The following INF2 variants were observed in gnomAD, a reference collection of about 807,000 sequenced individuals.
INF2 encodes inverted formin 2.
INF2 carries 43 observed loss-of-function variants against 123.5 expected under a neutral mutation model. The ratio of observed to expected loss-of-function variants is 0.35; its 90% CI spans 0.27 to 0.45. The LOEUF is 0.45. Among genes scored for constraint, INF2 ranks in the 20% least tolerant of loss-of-function variants. INF2 has a pLI of 1.00. For synonymous variants in INF2, 851 were observed against 745.0 expected (o/e 1.14, Z -2.32); for missense variants, 1,453 against 1,682.7 (o/e 0.86, Z 2.39).
chr14:104,683,177 C>T (rs1320636186), intron 1 of INF2, among the ~76,000 whole-genome samples: 3 of 122,916 alleles, frequency 2.4e-5, no homozygotes, highest in Admixed American at 8.6e-5. Flanking sequence ...CTGCGGGTGG[C>T]TGCAATGGGG....
intron 1 of INF2, among the ~76,000 whole-genome samples, chr14:104,696,126 G>A (rs1234829357): frequency 6.6e-6 from 1 of 152,184 alleles, no homozygotes; most frequent in Admixed American, 6.5e-5. Context: ...TGATCATGAT[G>A]CTGCTGAGAG....
At position 104,713,625 on chromosome 14, in the gene INF2, G is replaced by A. The variant is rs1269228082; in HGVS notation, c.3040+19G>A. On this transcript the variant is annotated intron_variant, in intron 20 of 22. Coordinates refer to ENST00000392634, the MANE Select transcript of INF2 (RefSeq NM_022489.4). The stretch of plus-strand genomic sequence containing the variant: ...GAGCCTGGTAAGACCCTCTCCCACT[G>A]CCTCCTCATGGTCCCCTTGCCACTG... 4.3e-6 allele frequency: 7 copies of A among 1,609,828 alleles called. No homozygotes were observed. Among genetic ancestry groups the A allele is most frequent in the Non-Finnish European group, 5.9e-6 (7 of 1,178,208 alleles).
chr14:104,710,128 G>A lies in INF2; in HGVS notation c.2179G>A (p.Ala727Thr), dbSNP rs762960061. 1.9e-5 allele frequency: 30 copies of A among 1,552,960 alleles called. No individual in the cohort carries two copies. The African/African-American group carries it at 2.2e-4, about 11-fold the overall frequency. The change falls in exon 13 of 23, where the codon GCG (alanine) becomes ACG (threonine). Residue 727 changes from alanine (A) to threonine (T), a missense_variant. Ala to Thr is a moderately conservative substitution (Grantham distance 58). Transcript: ENST00000392634. ...CGAGTGCATGCTGCTGTGTGAGGGC[G>A]CGGCCGCCGTGCTGGACATGGTGCG... Reference protein sequence around the residue: ...RIECMLLCEGAAAVLDMVRPK... With the variant: ...RIECMLLCEGTAAVLDMVRPK...
chr14:104,691,744 G>A (rs941867047), intron 1 of INF2, among the ~76,000 whole-genome samples: 12 of 152,078 alleles, frequency 7.9e-5, no homozygotes, highest in African/African-American at 1.2e-4. Flanking sequence ...CGGGCTCCCC[G>A]TCGCTGGAGG....
chr14:104,689,511 C>A, upstream of INF2: 1 of 384,402 alleles, frequency 2.6e-6, no homozygotes, highest in Non-Finnish European at 3.5e-6. Flanking sequence ...AGCCACCCAC[C>A]TCCCCCCCCA....
chr14:104,697,685 G>T (rs1889254970), intron 1 of INF2, among the ~76,000 whole-genome samples: 1 of 152,238 alleles, frequency 6.6e-6, no homozygotes, highest in African/African-American at 2.4e-5. Flanking sequence ...GCCCAGAGGG[G>T]GACCCTGCCT....
chr14:104,707,620 T>A lies in INF2; in HGVS notation c.1353T>A (p.Ala451=). The part of the protein sequence containing the change: ...PPPPPLPSVG[A]KALPTAPPPP... Reference sequence around the variant, plus strand: ...CACCCCCCCTGCCCAGTGTGGGGGCTAAGGCCCTCCCAACAGCACCCCCGC... The same window carrying A: ...CACCCCCCCTGCCCAGTGTGGGGGCAAAGGCCCTCCCAACAGCACCCCCGC... The change falls in exon 8 of 23, where the codon GCT becomes GCA. Residue 451 remains alanine, a synonymous_variant. Coordinates refer to ENST00000392634, the MANE Select transcript of INF2 (RefSeq NM_022489.4). 5.6e-6 allele frequency: 4 copies of A among 720,074 alleles called. No homozygotes were observed. Among genetic ancestry groups the A allele is most frequent in the Non-Finnish European group, 6.1e-6 (3 of 489,780 alleles). 44.6% of individuals were successfully genotyped at this position (720,074 alleles called of 1,614,324 possible). A position where few individuals can be genotyped will look rare whatever the true frequency, so the allele number is the denominator to read the frequency against.
chr14:104,715,071 G>T (rs959249931), intron 21 of INF2, among the ~76,000 whole-genome samples: 1 of 152,174 alleles, frequency 6.6e-6, no homozygotes, highest in Non-Finnish European at 1.5e-5. Context: ...TACTAATTCC[G>T]ACCTTCACGC....
chr14:104,689,861 G>A lies in INF2; in HGVS notation c.-10+122G>A, dbSNP rs1021093609. 1.4e-5 allele frequency: 8 copies of A among 557,438 alleles called. No individual in the cohort carries two copies. The Admixed American group carries it at 3.2e-4, about 22-fold the overall frequency. The allele number at this position is 557,438 out of a possible 1,614,324, so 34.5% of individuals were successfully genotyped here. On this transcript the variant is annotated intron_variant, in intron 1 of 22. Transcript: ENST00000392634. ...CTGCGGCGTGTGTGCCCAGGTGGCGGCGGGCGGTCCGGCGGCGCAGGGTAC... is the reference window on the plus strand; with the variant it reads ...CTGCGGCGTGTGTGCCCAGGTGGCGACGGGCGGTCCGGCGGCGCAGGGTAC...
chr14:104,708,615 G>A, intron 9 of INF2, 28 bp downstream of exon 9: 6 of 1,612,688 alleles, frequency 3.7e-6, no homozygotes, highest in Non-Finnish European at 5.1e-6. Context: ...ACTCAGACCG[G>A]GGCCGCCTGC....
rs374267903 is a variant in INF2, at chr14:104,692,233, G to A, written c.-10+2494G>A. Among the ~76,000 whole-genome samples the A allele has an allele frequency of 3.9e-5, 6 of 152,232 alleles. No homozygotes were observed. In the East Asian group the frequency reaches 5.8e-4, roughly 15 times the overall value. On this transcript the variant is annotated intron_variant, in intron 1 of 22. Transcript: ENST00000392634. Reference sequence around the variant, plus strand: ...CTCCCACCCTCATCCCTCCCAGTGCGACGTGGGTCCTGCAGGAGCGTTCAT... The same window carrying A: ...CTCCCACCCTCATCCCTCCCAGTGCAACGTGGGTCCTGCAGGAGCGTTCAT...
At position 104,707,947 on chromosome 14, in the gene INF2, C is replaced by T. The variant is rs758259327; in HGVS notation, c.1680C>T (p.Pro560=). Residue 560 remains proline (P), a synonymous_variant, in exon 8 of 23, where the codon CCC becomes CCT. Transcript: ENST00000392634. ...WVPSHRRVNP[P]TLRMKKLNWQ... ...CCAGCCATCGGCGGGTGAACCCACC[C>T]ACACTGCGCATGAAGAAGCTGAACT... 4 of 1,598,892 alleles carry T rather than the reference C, an allele frequency of 2.5e-6. No homozygotes were observed. The highest frequency in any genetic ancestry group is 3.4e-6 in the Non-Finnish European group (4 of 1,179,712).
rs1222538815 is a variant in INF2, at chr14:104,708,673, C to T, written c.1890C>T (p.Ile630=). The change falls in exon 10 of 23, where the codon ATC becomes ATT. Residue 630 remains isoleucine, a splice_region_variant and synonymous_variant. Coordinates refer to ENST00000392634, the MANE Select transcript of INF2 (RefSeq NM_022489.4). ...APRARKEPKE[I]TFLDAKKSLN... is the part of the protein sequence containing the mutation. ...CTGTTGGGTGGGGGGTTTTCTAGATCACTTTCCTCGATGCCAAGAAGAGCC... is the reference window on the plus strand; with the variant it reads ...CTGTTGGGTGGGGGGTTTTCTAGATTACTTTCCTCGATGCCAAGAAGAGCC... The T allele has an allele frequency of 6.2e-7, 1 of 1,612,992 alleles. No homozygotes were observed. Among genetic ancestry groups the T allele is most frequent in the Non-Finnish European group, 8.5e-7 (1 of 1,179,856 alleles).
Position 104,701,509 on chromosome 14 carries a change from C to T in INF2, c.144C>T (p.Val48=), listed in dbSNP as rs528508846. 79 of 1,606,164 alleles carry T rather than the reference C, an allele frequency of 4.9e-5. No individual in the cohort carries two copies. In the South Asian group the frequency reaches 8.2e-4, roughly 17 times the overall value. The change falls in exon 2 of 23, where the codon GTC becomes GTT. Residue 48 remains valine, a synonymous_variant. Transcript: ENST00000392634. ...CIRLLQMPSV[V]NYSGLRKRLE... is the part of the protein sequence containing the mutation. Reference sequence around the variant, plus strand: ...GGCTGCTCCAGATGCCCTCTGTGGTCAACTACTCCGGCCTGCGCAAGCGCC... The same window carrying T: ...GGCTGCTCCAGATGCCCTCTGTGGTTAACTACTCCGGCCTGCGCAAGCGCC...
intron 20 of INF2, 32 bp from the exon 21 acceptor site, chr14:104,714,170 GC>G: frequency 2.1e-6 from 3 of 1,463,184 alleles, no homozygotes; most frequent in Non-Finnish European, 2.7e-6. Flanking sequence ...GGGGCAGGGT[GC>G]CTGCCCTTCA....
At chr14:104,702,657 C>T (rs1889584311) in intron 2 of INF2, among the ~76,000 whole-genome samples, 1 of 152,214 alleles carries the variant, frequency 6.6e-6, no homozygotes, top group South Asian at 2.1e-4. Context: ...ATTCTCAGCC[C>T]GTCTCCCCAG....
In INF2 at chr14:104,707,275, A is replaced by G. The variant is rs1889823850; in HGVS notation, c.1008A>G (p.Glu336=). The change falls in exon 8 of 23, where the codon GAA becomes GAG. Residue 336 remains glutamate, a synonymous_variant. Transcript: ENST00000392634. ...ASDAQECTLE[E]VVERLLSVKG... ...CAGCCCAGGAATGCACCCTGGAGGA[A>G]GTGGTTGAGCGGCTCCTGTCTGTCA... 1.2e-6 allele frequency: 2 copies of G among 1,609,858 alleles called. No individual in the cohort carries two copies.
Position 104,707,734 on chromosome 14 carries a change from A to C in INF2, c.1467A>C (p.Pro489=), listed in dbSNP as rs1383992230. 81 of 834,490 alleles carry C rather than the reference A, an allele frequency of 9.7e-5. No individual in the cohort carries two copies. The highest frequency in any genetic ancestry group is 2.3e-4 in the African/African-American group (7 of 29,848). 51.7% of individuals were successfully genotyped at this position (834,490 alleles called of 1,614,324 possible). A position where few individuals can be genotyped will look rare whatever the true frequency, so the allele number is the denominator to read the frequency against. The change falls in exon 8 of 23, where the codon CCA becomes CCC. Residue 489 remains proline (P), a synonymous_variant. Transcript: ENST00000392634. ...PLPGSCEFLP[P]PPPPLPGLGC... is the part of the protein sequence containing the mutation. The stretch of plus-strand genomic sequence containing the variant: ...CAGGCTCCTGTGAGTTCCTGCCCCC[A>C]CCACCTCCACCACTCCCGGGCTTGG...
At chr14:104,704,270 T>C in intron 5 of INF2, 1 of 1,041,728 alleles carries the variant, frequency 9.6e-7, no homozygotes, top group Non-Finnish European at 1.3e-6. Context: ...GAAAATGAAA[T>C]GCCAATAAGA....
Sources: allele counts gnomAD v4.1 joint callset (sites outside exome capture counted in the v4.1 genomes callset), GRCh38; gene constraint gnomAD v4.1.1; transcripts MANE v1.5; gene names NCBI Gene and HGNC (gene_info 2026-07-23, HGNC 2026-07-21).